GALNT17: variants seen among roughly 807,000 people sequenced by gnomAD.
GALNT17 encodes the protein UDP-GalNAc:polypeptide N-acetylgalactosaminyltransferase-like 3.
GALNT17 carries 29 observed loss-of-function variants against 63.7 expected under a neutral mutation model. The observed-to-expected ratio is 0.46, with a 90% CI of 0.34 to 0.62. GALNT17 has a LOEUF of 0.62. Ranked by LOEUF, GALNT17 falls within the 20% of genes least tolerant of loss-of-function variation. GALNT17 has a pLI of 0.01. For synonymous variants in GALNT17, 305 were observed against 318.3 expected (o/e 0.96, Z 0.45); for missense variants, 603 against 799.6 (o/e 0.75, Z 2.97).
intron 6 of GALNT17, among the ~76,000 whole-genome samples, chr7:71,626,769 G>A (rs1280276339): frequency 6.6e-6 from 1 of 152,220 alleles, no homozygotes; most frequent in East Asian, 1.9e-4. Context: ...GAGAAATCAA[G>A]AAATGAAGTT....
intron 1 of GALNT17, among the ~76,000 whole-genome samples, chr7:71,312,165 G>T (rs1340644643): frequency 6.6e-6 from 1 of 152,214 alleles, no homozygotes; most frequent in Non-Finnish European, 1.5e-5. Flanking sequence ...AATTGCCTCT[G>T]AGCTGCACTT....
intron 6 of GALNT17, among the ~76,000 whole-genome samples, chr7:71,649,396 C>T (rs1255417198): frequency 1.3e-5 from 2 of 152,052 alleles, no homozygotes; most frequent in Non-Finnish European, 2.9e-5. Flanking sequence ...TGGGAGGAAA[C>T]CTAAAATCTG....
chr7:71,645,289 G>A lies in GALNT17; in HGVS notation c.1081-20122G>A, dbSNP rs374187244. Among the ~76,000 whole-genome samples the A allele has an allele frequency of 8.5e-4, 129 of 152,336 alleles. No homozygotes were observed. In the South Asian group the frequency reaches 0.013, roughly 16 times the overall value. On this transcript the variant is annotated intron_variant, in intron 6 of 10. Transcript: ENST00000333538. ...TGCCACTCAAATTTCATCTCGAATTGTAATACCCACATGTCATGGGAGGGA... is the reference window on the plus strand; with the variant it reads ...TGCCACTCAAATTTCATCTCGAATTATAATACCCACATGTCATGGGAGGGA...
rs369799625 is a variant in GALNT17, at chr7:71,499,626, G to A, written c.963-71659G>A. On this transcript the variant is annotated intron_variant, in intron 5 of 10. Transcript: ENST00000333538. ...AAATGCTTCCTTACACTCAGAATGT[G>A]TTGCAAAGAAGACTGTTTTCTCTGG... 1.8e-4 allele frequency among the ~76,000 whole-genome samples: 27 copies of A among 152,308 alleles called. 1 individual carries two copies. Among genetic ancestry groups the A allele is most frequent in the African/African-American group, 6.3e-4 (26 of 41,576 alleles).
intron 1 of GALNT17, among the ~76,000 whole-genome samples, chr7:71,209,972 G>A (rs528838374): frequency 6.6e-6 from 1 of 151,974 alleles, no homozygotes; most frequent in Non-Finnish European, 1.5e-5. Flanking sequence ...ACCGAGGCTG[G>A]AGTGCAGTGG....
At chr7:71,133,165 C>T (rs1480420280) in intron 1 of GALNT17, 125 bp downstream of exon 1, 6 of 794,670 alleles carry the variant, frequency 7.6e-6, no homozygotes, top group African/African-American at 3.7e-5. Context: ...CCGCGCGCTC[C>T]TTCTTACCCT....
chr7:71,335,743 G>C lies in GALNT17; in HGVS notation c.422+10G>C, dbSNP rs371192663. The C allele has an allele frequency of 6.7e-5, 106 of 1,588,382 alleles. 1 individual carries two copies. The Middle Eastern group carries it at 1.2e-3, about 18-fold the overall frequency. On this transcript the variant is annotated intron_variant, in intron 2 of 10. Coordinates refer to ENST00000333538, the MANE Select transcript of GALNT17 (RefSeq NM_022479.3). Reference sequence around the variant, plus strand: ...ATTATCGTCCCACCAAGTAAGTTCTGGTTCAGTCATTTGCGGAGCTTGATG... The same window carrying C: ...ATTATCGTCCCACCAAGTAAGTTCTCGTTCAGTCATTTGCGGAGCTTGATG...
intron 5 of GALNT17, among the ~76,000 whole-genome samples, chr7:71,489,929 C>T (rs771931937): frequency 3.3e-5 from 5 of 151,970 alleles, no homozygotes; most frequent in South Asian, 2.1e-4. Flanking sequence ...GAGGCCAAGG[C>T]GGGAGGATCT....
chr7:71,245,507 T>A (rs1790078121), intron 1 of GALNT17, among the ~76,000 whole-genome samples: 1 of 152,190 alleles, frequency 6.6e-6, no homozygotes, highest in African/African-American at 2.4e-5. Context: ...TTTGGCCATG[T>A]CTGGCCAAAT....
chr7:71,197,872 C>T (rs957936574), intron 1 of GALNT17, among the ~76,000 whole-genome samples: 5 of 151,924 alleles, frequency 3.3e-5, no homozygotes, highest in Non-Finnish European at 5.9e-5. Flanking sequence ...ATGTTGCTTT[C>T]AAATTTCTTT....
At chr7:71,344,004 T>C (rs982288827) in intron 2 of GALNT17, among the ~76,000 whole-genome samples, 1 of 152,158 alleles carries the variant, frequency 6.6e-6, no homozygotes, top group Non-Finnish European at 1.5e-5. Flanking sequence ...TGCCAGGCAC[T>C]GTGCCAGCAG....
intron 5 of GALNT17, among the ~76,000 whole-genome samples, chr7:71,424,765 AC>A (rs1786728247): frequency 1.3e-5 from 2 of 152,198 alleles, no homozygotes; most frequent in African/African-American, 4.8e-5. Context: ...AAACATGAGG[AC>A]ATGGCAGTTT....
At chr7:71,600,376 A>C (rs1418592452) in intron 6 of GALNT17, among the ~76,000 whole-genome samples, 1 of 137,312 alleles carries the variant, frequency 7.3e-6, no homozygotes, top group Admixed American at 7.0e-5. Flanking sequence ...TGGATATTGA[A>C]CTGGGGAACC....
At chr7:71,515,957 A>C (rs1340952919) in intron 5 of GALNT17, among the ~76,000 whole-genome samples, 1 of 152,188 alleles carries the variant, frequency 6.6e-6, no homozygotes, top group Non-Finnish European at 1.5e-5. Flanking sequence ...TGAGGCTTTC[A>C]TTAGCACTCA....
intron 5 of GALNT17, among the ~76,000 whole-genome samples, chr7:71,457,735 A>G (rs1787380179): frequency 6.6e-6 from 1 of 152,120 alleles, no homozygotes; most frequent in Non-Finnish European, 1.5e-5. Flanking sequence ...GGTGGGTTTT[A>G]ACCAGTGTCT....
At chr7:71,484,564 A>T (rs2116652745) in intron 5 of GALNT17, among the ~76,000 whole-genome samples, 1 of 152,318 alleles carries the variant, frequency 6.6e-6, no homozygotes, top group Non-Finnish European at 1.5e-5. Context: ...CATCACCAGC[A>T]TTGCCACAAA....
intron 1 of GALNT17, among the ~76,000 whole-genome samples, chr7:71,175,184 C>G (rs1178283356): frequency 2.0e-5 from 3 of 152,082 alleles, no homozygotes; most frequent in Non-Finnish European, 4.4e-5. Context: ...TTCCATCTAT[C>G]CATCCGTCTA....
intron 2 of GALNT17, among the ~76,000 whole-genome samples, chr7:71,380,663 G>C (rs749484506): frequency 9.9e-5 from 15 of 152,128 alleles, no homozygotes; most frequent in Non-Finnish European, 1.6e-4. Context: ...AGAAAAGGTT[G>C]GCAGAGGGAG....
chr7:71,589,527 A>G (rs1360724486), intron 6 of GALNT17, among the ~76,000 whole-genome samples: 1 of 152,092 alleles, frequency 6.6e-6, no homozygotes, highest in Non-Finnish European at 1.5e-5. Context: ...AGCTATAATC[A>G]TAACACTACA....
Sources: gnomAD v4.1 joint callset for allele counts (sites outside exome capture counted in the v4.1 genomes callset) on GRCh38, gnomAD v4.1.1 for gene constraint, MANE v1.5 for transcripts, NCBI Gene and HGNC (gene_info 2026-07-23, HGNC 2026-07-21) for gene names.